ELSPBP1: variants seen among roughly 807,000 people sequenced by gnomAD.
ELSPBP1 encodes the protein epididymal sperm binding protein 1, also known as epididymal sperm-binding protein 1.
Under a neutral mutation model 33.3 loss-of-function variants are expected in ELSPBP1, and 38 were observed. The ratio of observed to expected loss-of-function variants is 1.14; its 90% CI spans 0.88 to 1.50. The LOEUF (loss-of-function observed/expected upper bound fraction) is 1.50, where lower values mean the gene tolerates loss of function less well. Ranked by LOEUF, ELSPBP1 falls within the 40% of genes most tolerant of loss-of-function variation. The probability of loss-of-function intolerance (pLI) is 0.00; values close to 1 mark genes in which losing one functional copy is unlikely to be tolerated. For synonymous variants in ELSPBP1, 85 were observed against 94.1 expected, an observed-to-expected ratio of 0.90 and a Z score of 0.56; for missense variants, 267 against 263.5, an observed-to-expected ratio of 1.01 and a Z score of -0.09.
In ELSPBP1 at chr19:48,019,723, T is replaced by C. The variant is rs1370965112; in HGVS notation, c.360T>C (p.Tyr120=). 8.7e-6 allele frequency: 14 copies of C among 1,613,442 alleles called. No individual in the cohort carries two copies. The highest frequency in any genetic ancestry group is 1.3e-5 in the African/African-American group (1 of 74,858). Reference sequence around the variant, plus strand: ...CCTTTCCATAATCCTTTTCAGAGTATGGGGGAAATTCTCTCAGGAAGCCCT... The same window carrying C: ...CCTTTCCATAATCCTTTTCAGAGTACGGGGGAAATTCTCTCAGGAAGCCCT... ...QQWKFCETNE[Y]GGNSLRKPCI... is the part of the protein sequence containing the mutation. Residue 120 remains tyrosine (Y), a synonymous_variant, in exon 5 of 7, where the codon TAT becomes TAC. Coordinates refer to ENST00000339841, the MANE Select transcript of ELSPBP1 (RefSeq NM_022142.5).
At chr19:48,014,020 G>A (rs948546950) in intron 2 of ELSPBP1, 151 bp from the exon 3 acceptor site, 21 of 873,518 alleles carry the variant, frequency 2.4e-5, no homozygotes, top group African/African-American at 1.3e-4. Flanking sequence ...TACCATGACC[G>A]TGGGGGTTAG....
Position 48,017,068 on chromosome 19 carries a change from C to T in ELSPBP1, c.355+1029C>T, listed in dbSNP as rs114542448. ...AGCAGCTCTATGAGCTGCTGCTCGC[C>T]ACCACCTGTTCAATAAATGGTCCCA... On this transcript the variant is annotated intron_variant, in intron 4 of 6. Transcript: ENST00000339841. Among the ~76,000 whole-genome samples, 804 of 152,280 alleles carry T rather than the reference C, an allele frequency of 5.3e-3. 7 individuals are homozygous for T. Among genetic ancestry groups the T allele is most frequent in the African/African-American group, 0.019 (784 of 41,566 alleles).
At chr19:48,006,746 G>A (rs1967024490) in intron 1 of ELSPBP1, among the ~76,000 whole-genome samples, 1 of 152,008 alleles carries the variant, frequency 6.6e-6, no homozygotes, top group Non-Finnish European at 1.5e-5. Context: ...TGCATTGTCA[G>A]GTCTAAGTCC....
chr19:48,022,196 C>G lies in ELSPBP1; in HGVS notation c.541C>G (p.Pro181Ala). 1 of 1,613,274 alleles carries G rather than the reference C, an allele frequency of 6.2e-7. No individual in the cohort carries two copies. The highest frequency in any genetic ancestry group is 8.5e-7 in the Non-Finnish European group (1 of 1,179,668). ...AATTTCCGCGTTGGTCCCTGGCTTT[C>G]CTTGTCACTTTCCGTTCAACTATAA... is the stretch of plus-strand genomic sequence containing the variant. Reference protein sequence around the residue: ...TRISALVPGFPCHFPFNYKNK... With the variant: ...TRISALVPGFACHFPFNYKNK... Residue 181 changes from proline (P) to alanine (A), a missense_variant, in exon 6 of 7, where the codon CCT becomes GCT. Coordinates refer to ENST00000339841, the MANE Select transcript of ELSPBP1 (RefSeq NM_022142.5).
intron 5 of ELSPBP1, among the ~76,000 whole-genome samples, chr19:48,020,228 G>A (rs1191136866): frequency 6.6e-6 from 1 of 152,118 alleles, no homozygotes; most frequent in Admixed American, 6.5e-5. Flanking sequence ...GAGATGGGAG[G>A]ATCACTTGAG....
rs957087174 is a variant in ELSPBP1, at chr19:47,995,114, G to A, written c.-18+303G>A. On this transcript the variant is annotated intron_variant, in intron 1 of 6. Transcript: ENST00000339841. The stretch of plus-strand genomic sequence containing the variant: ...CTATACTTTGTCTTCAGAATCAATA[G>A]GTATCTTACACTTACAACATAGAAC... Among the ~76,000 whole-genome samples, 3 of 152,112 alleles carry A rather than the reference G, an allele frequency of 2.0e-5. No individual in the cohort carries two copies. In the South Asian group the frequency reaches 6.2e-4, roughly 32 times the overall value.
intron 1 of ELSPBP1, among the ~76,000 whole-genome samples, chr19:47,998,049 T>G (rs1047838248): frequency 6.6e-6 from 1 of 152,140 alleles, no homozygotes; most frequent in African/African-American, 2.4e-5. Context: ...CTGACCTAGG[T>G]TTGCTAGTGT....
chr19:48,025,066 AC>A lies in ELSPBP1; in HGVS notation c.*124del, dbSNP rs1967256001. 6.6e-6 allele frequency: 1 copy of A among 152,214 alleles called. No individual in the cohort carries two copies. The highest frequency in any genetic ancestry group is 2.4e-5 in the African/African-American group (1 of 41,458). The allele number at this position is 152,214 out of a possible 1,614,324, so 9.4% of individuals were successfully genotyped here. A position where few individuals can be genotyped will look rare whatever the true frequency, so the allele number is the denominator to read the frequency against. ...AACCACCTTTAGAAATACCCTCTGC[AC>A]CACCTGCTTCAATCAGCTGGTCCTT... On this transcript the variant is annotated 3_prime_UTR_variant, in exon 7 of 7. Coordinates refer to ENST00000339841, the MANE Select transcript of ELSPBP1 (RefSeq NM_022142.5).
intron 1 of ELSPBP1, among the ~76,000 whole-genome samples, chr19:47,998,628 T>C (rs886259504): frequency 5.4e-5 from 8 of 149,300 alleles, no homozygotes; most frequent in Non-Finnish European, 8.9e-5. Context: ...TTACTAAAAA[T>C]ACAAAAAAAT....
Position 48,015,999 on chromosome 19 carries a change from C to T in ELSPBP1, c.315C>T (p.Val105=). The T allele has an allele frequency of 3.1e-6, 5 of 1,613,916 alleles. No homozygotes were observed. Among genetic ancestry groups the T allele is most frequent in the Non-Finnish European group, 4.2e-6 (5 of 1,179,960 alleles). ...LGSLWCSVTS[V]FDEKQQWKFC... Reference sequence around the variant, plus strand: ...GTCTGTGGTGCTCAGTCACCTCTGTCTTCGATGAGAAACAGCAGTGGAAAT... The same window carrying T: ...GTCTGTGGTGCTCAGTCACCTCTGTTTTCGATGAGAAACAGCAGTGGAAAT... The change falls in exon 4 of 7, where the codon GTC becomes GTT. Residue 105 remains valine, a synonymous_variant. Transcript: ENST00000339841.
chr19:48,014,213 C>G lies in ELSPBP1; in HGVS notation c.113C>G (p.Ser38Cys). 6.2e-7 allele frequency: 1 copy of G among 1,614,002 alleles called. No individual in the cohort carries two copies. The highest frequency in any genetic ancestry group is 8.5e-7 in the Non-Finnish European group (1 of 1,179,946). ...ECVFPFTYKGSVYFTCTHIHS... is the reference protein window; with the variant it reads ...ECVFPFTYKGCVYFTCTHIHS... ...GTCTTTCCTTTCACCTACAAGGGAT[C>G]TGTTTACTTCACTTGCACCCATATT... The change falls in exon 3 of 7, where the codon TCT becomes TGT. Residue 38 changes from serine to cysteine, a missense_variant. By Grantham distance (112) the Ser-to-Cys change is moderately radical. Transcript: ENST00000339841.
chr19:48,022,204 C>G lies in ELSPBP1; in HGVS notation c.549C>G (p.His183Gln). The G allele has an allele frequency of 6.2e-7, 1 of 1,613,622 alleles. No homozygotes were observed. Among genetic ancestry groups the G allele is most frequent in the Non-Finnish European group, 8.5e-7 (1 of 1,179,794 alleles). ...ISALVPGFPC[H>Q]FPFNYKNKNY... The stretch of plus-strand genomic sequence containing the variant: ...CGTTGGTCCCTGGCTTTCCTTGTCA[C>G]TTTCCGTTCAACTATAAAAACAAGA... The change falls in exon 6 of 7, where the codon CAC (histidine) becomes CAG (glutamine). Residue 183 changes from histidine to glutamine, a missense_variant. His to Gln is a conservative substitution (Grantham distance 24, BLOSUM62 0). Coordinates refer to ENST00000339841, the MANE Select transcript of ELSPBP1 (RefSeq NM_022142.5).
rs1048911010 is a variant in ELSPBP1, at chr19:48,011,298, CAAT to C, written c.70+2565_70+2567del. Among the ~76,000 whole-genome samples, 37 of 149,962 alleles carry C rather than the reference CAAT, an allele frequency of 2.5e-4. 1 individual carries two copies. The highest frequency in any genetic ancestry group is 8.4e-4 in the African/African-American group (34 of 40,600). ...ACGATGATGATCACCATGATAATGA[CAAT>C]AATGAGGTTGATAATGATGGTGACA... is the stretch of plus-strand genomic sequence containing the variant. On this transcript the variant is annotated intron_variant, in intron 2 of 6. Coordinates refer to ENST00000339841, the MANE Select transcript of ELSPBP1 (RefSeq NM_022142.5). The surrounding 1 kb of genome is among the most constrained non-coding windows in gnomAD (Gnocchi z 4.5).
At chr19:48,024,335 C>T (rs1038591100) in intron 6 of ELSPBP1, among the ~76,000 whole-genome samples, 3 of 152,078 alleles carry the variant, frequency 2.0e-5, no homozygotes, top group Non-Finnish European at 2.9e-5. Context: ...CTAAATCTCC[C>T]GCATGGATCA....
At chr19:48,001,148 T>C (rs1035979178) in intron 1 of ELSPBP1, among the ~76,000 whole-genome samples, 7 of 151,862 alleles carry the variant, frequency 4.6e-5, no homozygotes, top group African/African-American at 1.7e-4. Context: ...TCACACCTGG[T>C]TTTCTGACTC....
intron 5 of ELSPBP1, among the ~76,000 whole-genome samples, chr19:48,021,562 C>A (rs1265203956): frequency 2.0e-5 from 3 of 152,110 alleles, no homozygotes. Context: ...GCCTCAGCCT[C>A]CCAAGTAGCT....
intron 4 of ELSPBP1, among the ~76,000 whole-genome samples, chr19:48,016,984 C>G (rs1430431613): frequency 2.0e-5 from 3 of 152,090 alleles, no homozygotes; most frequent in South Asian, 2.1e-4. Context: ...ATTGAATGTC[C>G]TCTCTGTCCT....
chr19:48,010,786 G>T (rs753841530), intron 2 of ELSPBP1, among the ~76,000 whole-genome samples: 1 of 152,114 alleles, frequency 6.6e-6, no homozygotes, highest in Non-Finnish European at 1.5e-5. Context: ...AGGTCAGCAG[G>T]GTCTGGATTA....
At chr19:48,023,485 AGGGAG>A (rs796274607) in intron 6 of ELSPBP1, among the ~76,000 whole-genome samples, 19 of 50,356 alleles carry the variant, frequency 3.8e-4, no homozygotes, top group South Asian at 2.5e-3. Flanking sequence ...GGAGGAGGGA[AGGGAG>A]GGAGGGAAGG....
Sources: gnomAD v4.1 joint callset for allele counts (sites outside exome capture counted in the v4.1 genomes callset) on GRCh38, gnomAD v4.1.1 for gene constraint, Gnocchi (gnomAD v3.1) non-coding constraint, MANE v1.5 for transcripts, NCBI Gene and HGNC (gene_info 2026-07-23, HGNC 2026-07-21) for gene names.